The following ZNF131 variants were observed in gnomAD, a reference collection of about 807,000 sequenced individuals.
The protein encoded by ZNF131 is zinc finger protein 131.
Under a neutral mutation model 60.0 loss-of-function variants are expected in ZNF131, and 7 were observed. That is an observed-to-expected ratio of 0.12 (90% confidence interval 0.07 to 0.22). The LOEUF (loss-of-function observed/expected upper bound fraction) is 0.22. Ranked by LOEUF, ZNF131 falls within the 10% of genes least tolerant of loss-of-function variation. The pLI is 1.00. For missense variants in ZNF131, 493 were observed against 740.9 expected (o/e 0.67, Z 3.88); for synonymous variants, 257 against 253.2 (o/e 1.01, Z -0.14).
At chr5:43,172,276 A>G (rs1751085810) in intron 5 of ZNF131, among the ~76,000 whole-genome samples, 1 of 152,176 alleles carries the variant, frequency 6.6e-6, no homozygotes, top group African/African-American at 2.4e-5. Context: ...TTTTGTTATC[A>G]TACAACATAC....
chr5:43,128,874 C>T (rs796105379), intron 3 of ZNF131, among the ~76,000 whole-genome samples: 7 of 152,140 alleles, frequency 4.6e-5, no homozygotes, highest in African/African-American at 1.7e-4. Context: ...CCTCAGCCTT[C>T]TAACTACAAG....
At chr5:43,173,291 C>A in intron 5 of ZNF131, 27 bp from the exon 6 acceptor site, 1 of 1,496,568 alleles carries the variant, frequency 6.7e-7, no homozygotes, top group South Asian at 1.4e-5. Context: ...CTTAATTTGC[C>A]AACGTATCTT....
At chr5:43,136,462 C>G (rs1316688753) in intron 3 of ZNF131, among the ~76,000 whole-genome samples, 3 of 139,112 alleles carry the variant, frequency 2.2e-5, no homozygotes, top group Non-Finnish European at 4.6e-5. Flanking sequence ...AAGAACAAAG[C>G]TAGAGGCATC....
chr5:43,149,278 G>A lies in ZNF131; in HGVS notation c.371+9969G>A, dbSNP rs1690990. Among the ~76,000 whole-genome samples, 344 of 152,166 alleles carry A rather than the reference G, an allele frequency of 2.3e-3. 3 individuals carry two copies. Among genetic ancestry groups the A allele is most frequent in the African/African-American group, 8.0e-3 (332 of 41,538 alleles). On this transcript the variant is annotated intron_variant, in intron 4 of 6. Transcript: ENST00000682664. ...AGAGGGAGAAAAAAAAAAAAGGCTG[G>A]GCACGGTGGCTCACGCCTATAATCT...
Position 43,174,646 on chromosome 5 carries a change from A to C in ZNF131, c.1385A>C (p.Gln462Pro), listed in dbSNP as rs1266768668. The C allele has an allele frequency of 3.7e-6, 6 of 1,614,244 alleles. No homozygotes were observed. The South Asian group carries it at 5.5e-5, about 15-fold the overall frequency. ...EEVLSVETRVQTEPVTSMTII... is the reference protein window; with the variant it reads ...EEVLSVETRVPTEPVTSMTII... ...GTTCTTTCAGTAGAAACACGTGTGC[A>C]AACTGAACCTGTAACATCAATGACT... The change falls in exon 7 of 7, where the codon CAA (glutamine) becomes CCA (proline). Residue 462 changes from glutamine to proline, a missense_variant. Coordinates refer to ENST00000682664, the MANE Select transcript of ZNF131 (RefSeq NM_001330707.2).
chr5:43,151,534 A>G (rs1748314137), intron 4 of ZNF131, among the ~76,000 whole-genome samples: 1 of 151,946 alleles, frequency 6.6e-6, no homozygotes, highest in Non-Finnish European at 1.5e-5. Flanking sequence ...TTCTGGGCTC[A>G]AGCAATACTC....
chr5:43,125,357 A>G (rs1390647130), intron 3 of ZNF131, among the ~76,000 whole-genome samples: 1 of 151,370 alleles, frequency 6.6e-6, no homozygotes, highest in Non-Finnish European at 1.5e-5. Flanking sequence ...CTGGAGTGCA[A>G]TGGCGTGATC....
At chr5:43,122,243 C>T in intron 2 of ZNF131, 66 bp downstream of exon 2, 3 of 1,466,480 alleles carry the variant, frequency 2.0e-6, no homozygotes, top group Non-Finnish European at 2.7e-6. Context: ...TTCGGACACC[C>T]GCCTTTTTTT....
intron 5 of ZNF131, among the ~76,000 whole-genome samples, chr5:43,165,558 A>G (rs1315848456): frequency 1.3e-5 from 2 of 152,198 alleles, no homozygotes; most frequent in African/African-American, 4.8e-5. Flanking sequence ...GAGTCTTCTG[A>G]GCAGTAGGTT....
chr5:43,157,854 T>TTCA (rs1355099914), intron 4 of ZNF131, among the ~76,000 whole-genome samples: 3 of 152,226 alleles, frequency 2.0e-5, no homozygotes, highest in Non-Finnish European at 4.4e-5. Flanking sequence ...AGTCTCTGCC[T>TTCA]TCATCTTCAC....
At chr5:43,165,108 G>A (rs1195760631) in intron 5 of ZNF131, among the ~76,000 whole-genome samples, 1 of 152,034 alleles carries the variant, frequency 6.6e-6, no homozygotes, top group Non-Finnish European at 1.5e-5. Context: ...GTGCCACCAT[G>A]CCCAGCTAAT....
At chr5:43,121,317 C>T (rs1743763752) in intron 1 of ZNF131, among the ~76,000 whole-genome samples, 194 bp downstream of exon 1, 1 of 152,192 alleles carries the variant, frequency 6.6e-6, no homozygotes, top group South Asian at 2.1e-4. Context: ...CAGCTTCTGG[C>T]CCTGCCAGGC....
At chr5:43,122,864 C>T (rs956242062) in intron 2 of ZNF131, among the ~76,000 whole-genome samples, 1 of 152,026 alleles carries the variant, frequency 6.6e-6, no homozygotes, top group African/African-American at 2.4e-5. Context: ...TGATATGTGA[C>T]CTTTTGGGTT....
At chr5:43,166,259 TGGCATA>T (rs1245404248) in intron 5 of ZNF131, among the ~76,000 whole-genome samples, 2 of 152,234 alleles carry the variant, frequency 1.3e-5, no homozygotes, top group African/African-American at 4.8e-5. Flanking sequence ...CTTAACTACC[TGGCATA>T]GGAGACCTGG....
intron 4 of ZNF131, among the ~76,000 whole-genome samples, chr5:43,155,487 TACAAA>T (rs1748846349): frequency 6.6e-6 from 1 of 152,168 alleles, no homozygotes; most frequent in Non-Finnish European, 1.5e-5. Context: ...AGCTCTAATC[TACAAA>T]AGCATCAGGC....
At chr5:43,134,762 G>A (rs1330585066) in intron 3 of ZNF131, among the ~76,000 whole-genome samples, 4 of 143,538 alleles carry the variant, frequency 2.8e-5, no homozygotes, top group Admixed American at 1.5e-4. Context: ...GTGCAGTGGC[G>A]TGACCTCGGC....
At chr5:43,138,590 T>G (rs1160110031) in intron 3 of ZNF131, among the ~76,000 whole-genome samples, 1 of 152,144 alleles carries the variant, frequency 6.6e-6, no homozygotes, top group Non-Finnish European at 1.5e-5. Flanking sequence ...AGGCAGAGGT[T>G]GTGAGCCAAG....
In ZNF131 at chr5:43,161,856, A is replaced by G. The variant is rs1181283121; in HGVS notation, c.979A>G (p.Ile327Val). The G allele has an allele frequency of 2.5e-6, 4 of 1,614,134 alleles. No individual in the cohort carries two copies. In the South Asian group the frequency reaches 4.4e-5, roughly 18 times the overall value. ...VSKKQRTGKK[I>V]HVCQYCEKQF... is the part of the protein sequence containing the mutation. ...TAAGAAGCAAAGAACTGGGAAAAAA[A>G]TTCATGTATGTCAGTACTGTGAGAA... Residue 327 changes from isoleucine (I) to valine (V), a missense_variant, in exon 5 of 7, where the codon ATT becomes GTT. Ile to Val is a conservative substitution (Grantham distance 29). Around this residue, in one of 7 missense-constraint regions of ZNF131, gnomAD observed 22 missense variants for 26.7 expected, o/e 0.82. Transcript: ENST00000682664.
chr5:43,152,290 A>G (rs1209145885), intron 4 of ZNF131, among the ~76,000 whole-genome samples: 1 of 152,170 alleles, frequency 6.6e-6, no homozygotes, highest in East Asian at 1.9e-4. Flanking sequence ...GGTGTGAGCC[A>G]CCACTCCCAG....
Sources: allele counts gnomAD v4.1 joint callset (sites outside exome capture counted in the v4.1 genomes callset), GRCh38; gene constraint gnomAD v4.1.1; regional missense constraint gnomAD v4.1.1; transcripts MANE v1.5; gene names NCBI Gene and HGNC (gene_info 2026-07-23, HGNC 2026-07-21).